Variants in FAT4 observed in about 807,000 individuals in gnomAD.
FAT4 encodes FAT atypical cadherin 4.
In FAT4, 84 loss-of-function variants were observed where a neutral mutation model predicts 303.9. The ratio of observed to expected loss-of-function variants is 0.28; its 90% confidence interval spans 0.23 to 0.33. FAT4 has a LOEUF of 0.33. Among genes scored for constraint, FAT4 ranks in the 10% least tolerant of loss-of-function variants. FAT4 has a pLI of 1.00. For synonymous variants in FAT4, 2,307 were observed against 2,298.8 expected, an observed-to-expected ratio of 1.00 and a Z score of -0.10; for missense variants, 6,005 against 6,146.8, an observed-to-expected ratio of 0.98 and a Z score of 0.77.
chr4:125,426,765 C>T (rs1481238871), intron 7 of FAT4, among the ~76,000 whole-genome samples: 1 of 151,868 alleles, frequency 6.6e-6, no homozygotes, highest in Non-Finnish European at 1.5e-5. Flanking sequence ...CCATTTACTC[C>T]ATGTGAGCTA....
At chr4:125,398,578 G>T (rs1326211468) in intron 2 of FAT4, among the ~76,000 whole-genome samples, 1 of 152,068 alleles carries the variant, frequency 6.6e-6, no homozygotes, top group African/African-American at 2.4e-5. Context: ...TATCAACAAG[G>T]CAGACGATTT....
At chr4:125,338,782 C>G (rs949373538) in intron 2 of FAT4, among the ~76,000 whole-genome samples, 1 of 152,048 alleles carries the variant, frequency 6.6e-6, no homozygotes, top group Non-Finnish European at 1.5e-5. Flanking sequence ...ATATTTTAAA[C>G]TATTGGAAAT....
intron 13 of FAT4, 68 bp downstream of exon 13, chr4:125,476,324 A>G: frequency 1.3e-6 from 1 of 788,602 alleles, no homozygotes; most frequent in Non-Finnish European, 2.0e-6. Flanking sequence ...TTATACCTAA[A>G]AATAATTATA....
intron 14 of FAT4, among the ~76,000 whole-genome samples, chr4:125,478,996 C>T (rs545545901): frequency 5.3e-5 from 8 of 152,070 alleles, no homozygotes; most frequent in Non-Finnish European, 1.2e-4. Flanking sequence ...AACTATTCTT[C>T]TTCTTGTGCC....
intron 16 of FAT4, among the ~76,000 whole-genome samples, chr4:125,484,632 A>C (rs1727345319): frequency 6.6e-6 from 1 of 152,134 alleles, no homozygotes; most frequent in African/African-American, 2.4e-5. Flanking sequence ...ATTCTTGTGC[A>C]AACATCATAG....
Position 125,316,930 on chromosome 4 carries a change from C to T in FAT4, c.519C>T (p.Ser173=). The T allele has an allele frequency of 3.7e-6, 6 of 1,614,018 alleles. No individual in the cohort carries two copies. The highest frequency in any genetic ancestry group is 5.1e-6 in the Non-Finnish European group (6 of 1,180,032). The part of the protein sequence containing the change: ...DIGSNGVDHR[S]YRIIRGNEAG... Reference sequence around the variant, plus strand: ...GCTCAAACGGTGTGGACCACCGCTCCTACCGCATCATCCGCGGCAATGAGG... The same window carrying T: ...GCTCAAACGGTGTGGACCACCGCTCTTACCGCATCATCCGCGGCAATGAGG... Residue 173 remains serine (S), a synonymous_variant, in exon 2 of 18, where the codon TCC becomes TCT. Transcript: ENST00000394329. The surrounding 1 kb of genome is among the most constrained non-coding windows in gnomAD (Gnocchi z 5.7).
At chr4:125,346,328 GC>G (rs1732001621) in intron 2 of FAT4, among the ~76,000 whole-genome samples, 1 of 151,892 alleles carries the variant, frequency 6.6e-6, no homozygotes, top group Non-Finnish European at 1.5e-5. Flanking sequence ...GGTACAGTAA[GC>G]TTTGGGAAAT....
rs923954346 is a variant in FAT4, at chr4:125,489,971, C to T, written c.13155C>T (p.Ser4385=). Residue 4385 remains serine, a synonymous_variant, in exon 18 of 18, where the codon AGC becomes AGT. Transcript: ENST00000394329. ...GESLPFSGKH[S]LASISKTDPS... is the part of the protein sequence containing the mutation. ...GTCTTCCTTTCAGCGGGAAGCATAG[C>T]TTGGCCTCCATCTCAAAAACAGATC... 3 of 1,610,124 alleles carry T rather than the reference C, an allele frequency of 1.9e-6. No individual in the cohort carries two copies. The highest frequency in any genetic ancestry group is 2.7e-5 in the African/African-American group (2 of 73,946).
Position 125,320,463 on chromosome 4 carries a change from A to G in FAT4, c.4052A>G (p.Tyr1351Cys). The change falls in exon 2 of 18, where the codon TAT becomes TGT. Residue 1351 changes from tyrosine to cysteine, a missense_variant. Tyr to Cys is a radical substitution (Grantham distance 194, BLOSUM62 -2). Transcript: ENST00000394329. Reference protein sequence around the residue: ...DSDSGDNADLYYSITGTNNHG... With the variant: ...DSDSGDNADLCYSITGTNNHG... Reference sequence around the variant, plus strand: ...GATTCAGGTGACAATGCTGATTTATATTACAGTATTACTGGGACTAACAAC... The same window carrying G: ...GATTCAGGTGACAATGCTGATTTATGTTACAGTATTACTGGGACTAACAAC... The G allele has an allele frequency of 6.2e-7, 1 of 1,614,084 alleles. No individual in the cohort carries two copies. The highest frequency in any genetic ancestry group is 8.5e-7 in the Non-Finnish European group (1 of 1,179,962).
chr4:125,464,968 C>A (rs1265275537), intron 11 of FAT4, among the ~76,000 whole-genome samples: 1 of 152,134 alleles, frequency 6.6e-6, no homozygotes, highest in African/African-American at 2.4e-5. Context: ...TCCTAATAAC[C>A]TGTATAATTT....
At chr4:125,371,103 G>A (rs1733091317) in intron 2 of FAT4, among the ~76,000 whole-genome samples, 2 of 146,202 alleles carry the variant, frequency 1.4e-5, no homozygotes, top group Non-Finnish European at 3.0e-5. Flanking sequence ...AGCTGAGATC[G>A]CGCCATTGCA....
chr4:125,370,648 A>G (rs1246071000), intron 2 of FAT4, among the ~76,000 whole-genome samples: 1 of 152,204 alleles, frequency 6.6e-6, no homozygotes, highest in Non-Finnish European at 1.5e-5. Context: ...CAATATTGAT[A>G]ATATTCAAAT....
chr4:125,477,328 T>C lies in FAT4; in HGVS notation c.12473T>C (p.Leu4158Pro), dbSNP rs1284122292. Residue 4158 changes from leucine to proline, a missense_variant, in exon 14 of 18, where the codon CTA (leucine) becomes CCA (proline). By Grantham distance (98) the Leu-to-Pro change is moderately conservative (BLOSUM62 -3). Coordinates refer to ENST00000394329, the MANE Select transcript of FAT4 (RefSeq NM_001291303.3). ...PSQALAAQGI[L>P]DQCPRLEGAC... ...CAAGCTTTGGCAGCACAAGGCATCC[T>C]AGATCAGTATGGCGATTTTATTTCT... 6.4e-7 allele frequency: 1 copy of C among 1,562,760 alleles called. No homozygotes were observed. The highest frequency in any genetic ancestry group is 8.7e-7 in the Non-Finnish European group (1 of 1,152,660).
At chr4:125,399,322 A>T (rs1734296788) in intron 3 of FAT4, among the ~76,000 whole-genome samples, 1 of 152,046 alleles carries the variant, frequency 6.6e-6, no homozygotes, top group Non-Finnish European at 1.5e-5. Context: ...TTTAAGGTTT[A>T]GATTACTATT....
In FAT4 at chr4:125,320,234, T is replaced by C; in HGVS notation, c.3823T>C (p.Tyr1275His). Residue 1275 changes from tyrosine to histidine, a missense_variant, in exon 2 of 18, where the codon TAT becomes CAT. Physicochemically the swap from Tyr to His is moderately conservative, Grantham distance 83. Coordinates refer to ENST00000394329, the MANE Select transcript of FAT4 (RefSeq NM_001291303.3). ...GGTAACACTAATTGGCAAATTAGAC[T>C]ATGAAGCAACACCTGCCTATTCCCT... ...GQVTLIGKLD[Y>H]EATPAYSLVI... 1.2e-6 allele frequency: 2 copies of C among 1,614,190 alleles called. 1 individual carries two copies. The highest frequency in any genetic ancestry group is 2.2e-5 in the South Asian group (2 of 91,090).
intron 2 of FAT4, among the ~76,000 whole-genome samples, chr4:125,361,133 C>A (rs945334759): frequency 6.6e-6 from 1 of 151,870 alleles, no homozygotes; most frequent in Non-Finnish European, 1.5e-5. Context: ...GGGCAAAGTT[C>A]AATTCAATTA....
At chr4:125,489,870 T>TTTTTTTTAA in intron 17 of FAT4, 31 bp from the exon 18 acceptor site, 4 of 1,185,626 alleles carry the variant, frequency 3.4e-6, no homozygotes, top group Non-Finnish European at 4.4e-6. Flanking sequence ...TTTTTTTTTG[T>TTTTTTTTAA]AAAAAGCCTT....
At position 125,363,392 on chromosome 4, in the gene FAT4, TG is replaced by T. The variant is rs541934763; in HGVS notation, c.5176-35389del. ...TGCTCCTCGTTTTAGAGTGATGTAC[TG>T]GGAATGGAATCCTAAAATTAAACTT... is the stretch of plus-strand genomic sequence containing the variant. On this transcript the variant is annotated intron_variant, in intron 2 of 17. Transcript: ENST00000394329. Among the ~76,000 whole-genome samples, 154 of 152,080 alleles carry T rather than the reference TG, an allele frequency of 1.0e-3. 2 individuals carry two copies. Among genetic ancestry groups the T allele is most frequent in the South Asian group, 9.3e-3 (45 of 4,824 alleles).
intron 2 of FAT4, among the ~76,000 whole-genome samples, chr4:125,379,402 A>G (rs1733453226): frequency 6.6e-6 from 1 of 152,024 alleles, no homozygotes; most frequent in African/African-American, 2.4e-5. Flanking sequence ...GTTGCCTTGG[A>G]GAGTTTATAA....
Sources: gnomAD v4.1 joint callset for allele counts (sites outside exome capture counted in the v4.1 genomes callset) on GRCh38, gnomAD v4.1.1 for gene constraint, Gnocchi (gnomAD v3.1) non-coding constraint, MANE v1.5 for transcripts, NCBI Gene and HGNC (gene_info 2026-07-23, HGNC 2026-07-21) for gene names.